Variants in COL6A3 observed in about 807,000 individuals in gnomAD.
COL6A3 encodes the protein collagen alpha-3(VI) chain.
Under a neutral mutation model 274.1 loss-of-function variants are expected in COL6A3, and 137 were observed. The observed-to-expected ratio is 0.50, with a 90% CI of 0.44 to 0.58. COL6A3 has a LOEUF of 0.58. Ranked by LOEUF, COL6A3 falls within the 20% of genes least tolerant of loss-of-function variation. The pLI is 0.00. For missense variants in COL6A3, 3,950 were observed against 4,124.9 expected (o/e 0.96, Z 1.16); for synonymous variants, 1,650 against 1,650.6 (o/e 1.00, Z 0.01).
Position 237,405,324 on chromosome 2 carries a change from A to G in COL6A3, c.-30-8477T>C, listed in dbSNP as rs566572279. On this transcript the variant is annotated intron_variant, in intron 1 of 43. Transcript: ENST00000295550. ...TTTCGTTTGCAATTAACTCTCTTCT[A>G]TTGTTTGTCATGTCCTGGAGTCTCC... 2.0e-5 allele frequency among the ~76,000 whole-genome samples: 3 copies of G among 152,178 alleles called. No individual in the cohort carries two copies. In the South Asian group the frequency reaches 6.2e-4, roughly 32 times the overall value.
Position 237,347,854 on chromosome 2 carries a change from G to C in COL6A3, c.6982C>G (p.Pro2328Ala). 1 of 1,610,256 alleles carries C rather than the reference G, an allele frequency of 6.2e-7. No homozygotes were observed. The highest frequency in any genetic ancestry group is 8.5e-7 in the Non-Finnish European group (1 of 1,178,192). ...YPGPKGNPGEPGLNGTTGPKG... is the reference protein window; with the variant it reads ...YPGPKGNPGEAGLNGTTGPKG... Reference sequence around the variant, plus strand: ...GGTCCTGTTGTTCCATTTAGCCCAGGTTCACCTGGGTTACCCTGGGAAGAA... The same window carrying C: ...GGTCCTGTTGTTCCATTTAGCCCAGCTTCACCTGGGTTACCCTGGGAAGAA... Residue 2328 changes from proline to alanine, a missense_variant, in exon 31 of 44, where the codon CCT (proline) becomes GCT (alanine). Coordinates refer to ENST00000295550, the MANE Select transcript of COL6A3 (RefSeq NM_004369.4).
intron 27 of COL6A3, 29 bp from the exon 28 acceptor site, chr2:237,350,238 T>C (rs1443128434): frequency 1.2e-6 from 2 of 1,612,336 alleles, no homozygotes; most frequent in East Asian, 2.2e-5. Context: ...GCTGAGACCC[T>C]GTGGCCTGGG....
At position 237,368,983 on chromosome 2, in the gene COL6A3, T is replaced by C; in HGVS notation, c.4480A>G (p.Arg1494Gly). 6.2e-7 allele frequency: 1 copy of C among 1,614,242 alleles called. No homozygotes were observed. Reference sequence around the variant, plus strand: ...GCGTCCAGCACCGGGGCCTGGGATCTGTAGGTTTTCAGATAGAATTCTGGG... The same window carrying C: ...GCGTCCAGCACCGGGGCCTGGGATCCGTAGGTTTTCAGATAGAATTCTGGG... Reference protein sequence around the residue: ...VFPEFYLKTYRSQAPVLDAIR... With the variant: ...VFPEFYLKTYGSQAPVLDAIR... Residue 1494 changes from arginine (R) to glycine (G), a missense_variant, in exon 10 of 44, where the codon AGA becomes GGA. Arg to Gly is a moderately radical substitution (Grantham distance 125). Coordinates refer to ENST00000295550, the MANE Select transcript of COL6A3 (RefSeq NM_004369.4). This position sits in a 1 kb window ranked among gnomAD's most constrained non-coding sequence, Gnocchi z 4.4.
Position 237,387,686 on chromosome 2 carries a change from G to A in COL6A3, c.1208C>T (p.Pro403Leu), listed in dbSNP as rs547651808. 78 of 1,613,878 alleles carry A rather than the reference G, an allele frequency of 4.8e-5. No individual in the cohort carries two copies. Among genetic ancestry groups the A allele is most frequent in the East Asian group, 2.5e-4 (11 of 44,862 alleles). Residue 403 changes from proline (P) to leucine (L), a missense_variant, in exon 4 of 44, where the codon CCG (proline) becomes CTG (leucine). Coordinates refer to ENST00000295550, the MANE Select transcript of COL6A3 (RefSeq NM_004369.4). ...GAGGTCCCCAAAGCTACGGAATTCC[G>A]GGACAGTAAACACCAAGTTGTCATC... is the stretch of plus-strand genomic sequence containing the variant. ...ATDDNLVFTV[P>L]EFRSFGDLQE...
In COL6A3 at chr2:237,340,707, T is replaced by G. The variant is rs111764507; in HGVS notation, c.8209A>C (p.Lys2737Gln). The stretch of plus-strand genomic sequence containing the variant: ...CCCGTCAGCATCAGGACCACAATTT[T>G]CAGGTCCCGTGGGTTTGGGGCACTT... ...FESAPNPRDLKIVVLMLTGEV... is the reference protein window; with the variant it reads ...FESAPNPRDLQIVVLMLTGEV... The change falls in exon 38 of 44, where the codon AAA (lysine) becomes CAA (glutamine). Residue 2737 changes from lysine to glutamine, a missense_variant. By Grantham distance (53) the Lys-to-Gln change is moderately conservative. This residue lies in a region of COL6A3 where 1,284 missense variants were observed against 1,349.7 expected (regional missense o/e 0.95). Transcript: ENST00000295550. 3 of 1,614,062 alleles carry G rather than the reference T, an allele frequency of 1.9e-6. No homozygotes were observed. The highest frequency in any genetic ancestry group is 2.5e-6 in the Non-Finnish European group (3 of 1,180,044).
In COL6A3 at chr2:237,340,825, C is replaced by T. The variant is rs775318733; in HGVS notation, c.8091G>A (p.Lys2697=). Residue 2697 remains lysine (K), a synonymous_variant, in exon 38 of 44, where the codon AAG becomes AAA. Transcript: ENST00000295550. ...TTCCCCTGCTGAGGAAGTCCACCAG[C>T]TTCTCCTTGGAGCCATAGTCAGTCA... is the stretch of plus-strand genomic sequence containing the variant. ...FSLTDYGSKE[K]LVDFLSRGMT... The T allele has an allele frequency of 1.2e-6, 2 of 1,614,218 alleles. No homozygotes were observed. Among genetic ancestry groups the T allele is most frequent in the Non-Finnish European group, 8.5e-7 (1 of 1,180,044 alleles).
intron 14 of COL6A3, among the ~76,000 whole-genome samples, 198 bp downstream of exon 14, chr2:237,363,055 G>A (rs1359809666): frequency 2.0e-5 from 3 of 151,984 alleles, no homozygotes; most frequent in Non-Finnish European, 2.9e-5. Flanking sequence ...GATTTCCAGC[G>A]ATTTGCTATC....
Position 237,324,752 on chromosome 2 carries a change from A to T in COL6A3, c.*22T>A. On this transcript the variant is annotated 3_prime_UTR_variant, in exon 44 of 44. Transcript: ENST00000295550. ...GCTGACTCCTTCTTCTTCAAGAGGT[A>T]TATGATGTTGGCCACCCACGCTTAG... 1 of 1,613,268 alleles carries T rather than the reference A, an allele frequency of 6.2e-7. No individual in the cohort carries two copies. The highest frequency in any genetic ancestry group is 8.5e-7 in the Non-Finnish European group (1 of 1,179,436).
At chr2:237,398,651 A>C (rs1358107949) in intron 1 of COL6A3, among the ~76,000 whole-genome samples, 1 of 152,212 alleles carries the variant, frequency 6.6e-6, no homozygotes, top group African/African-American at 2.4e-5. Flanking sequence ...CCCCATGCTC[A>C]GTTTGATGCT....
chr2:237,384,571 C>T (rs549459118), intron 4 of COL6A3, among the ~76,000 whole-genome samples: 24 of 152,230 alleles, frequency 1.6e-4, no homozygotes, highest in African/African-American at 5.5e-4. Context: ...CTGCATGCCA[C>T]GCTCGGAACT....
At position 237,372,284 on chromosome 2, in the gene COL6A3, C is replaced by T. The variant is rs150548221; in HGVS notation, c.3733G>A (p.Gly1245Arg). 82 of 1,612,498 alleles carry T rather than the reference C, an allele frequency of 5.1e-5. No individual in the cohort carries two copies. The highest frequency in any genetic ancestry group is 6.5e-5 in the Non-Finnish European group (77 of 1,180,024). Residue 1245 changes from glycine (G) to arginine (R), a missense_variant, in exon 9 of 44, where the codon GGG (glycine) becomes AGG (arginine). This residue lies in a region of COL6A3 where 1,934 missense variants were observed against 1,984.3 expected (regional missense o/e 0.97). Coordinates refer to ENST00000295550, the MANE Select transcript of COL6A3 (RefSeq NM_004369.4). ...GTGCGAACGTACTGGAACTCAGGCCCGGCACTTTGGGACCCATCGATGAGA... is the reference window on the plus strand; with the variant it reads ...GTGCGAACGTACTGGAACTCAGGCCTGGCACTTTGGGACCCATCGATGAGA... ...VFLIDGSQSA[G>R]PEFQYVRTLI... is the part of the protein sequence containing the mutation.
chr2:237,365,032 A>C (rs2095029675), intron 12 of COL6A3, among the ~76,000 whole-genome samples: 1 of 150,810 alleles, frequency 6.6e-6, no homozygotes, highest in Non-Finnish European at 1.5e-5. Context: ...CTGTATTTGG[A>C]GATAGGGTCT....
chr2:237,332,117 A>ATTATATATATG (rs35490728), intron 42 of COL6A3, among the ~76,000 whole-genome samples: 654 of 64,176 alleles, frequency 0.01, 116 homozygotes, highest in Non-Finnish European at 0.012. Context: ...ATATATATAT[A>ATTATATATATG]TGAAAAGAAA....
At chr2:237,400,926 C>T (rs1056772089) in intron 1 of COL6A3, among the ~76,000 whole-genome samples, 18 of 152,104 alleles carry the variant, frequency 1.2e-4, no homozygotes, top group Non-Finnish European at 5.9e-5. Context: ...GATGTTTCAA[C>T]GTATGAAAAC....
rs1193756613 is a variant in COL6A3, at chr2:237,353,329, G to A, written c.6690+12C>T. ...TATCAGAGGGCACACAGTCACACAC[G>A]GAAGCACTCACCTGTGCACCTCTGG... On this transcript the variant is annotated intron_variant, in intron 25 of 43. Transcript: ENST00000295550. 19 of 1,613,350 alleles carry A rather than the reference G, an allele frequency of 1.2e-5. No individual in the cohort carries two copies. Among genetic ancestry groups the A allele is most frequent in the East Asian group, 2.2e-5 (1 of 44,876 alleles).
At chr2:237,392,062 G>C (rs1036682144) in intron 3 of COL6A3, among the ~76,000 whole-genome samples, 2 of 152,134 alleles carry the variant, frequency 1.3e-5, no homozygotes, top group East Asian at 3.8e-4. Flanking sequence ...TGGAAGCAGG[G>C]AACACTTTGC....
chr2:237,325,788 T>C (rs1699910285), intron 42 of COL6A3, 64 bp from the exon 43 acceptor site: 2 of 1,445,690 alleles, frequency 1.4e-6, no homozygotes, highest in East Asian at 2.3e-5. Context: ...CTCCCAGTGC[T>C]GGGGCTGACA....
intron 40 of COL6A3, 86 bp from the exon 41 acceptor site, chr2:237,334,975 T>G: frequency 6.6e-7 from 1 of 1,509,392 alleles, no homozygotes; most frequent in Non-Finnish European, 9.2e-7. Context: ...CTGAAAGGGA[T>G]GTGTTAACAG....
chr2:237,410,771 G>A lies in COL6A3; in HGVS notation c.-31+3182C>T, dbSNP rs571473880. ...ACATTCATGACCACACATTAGAGGGGGCAAGCAACATGTTTTATTTAAAGA... is the reference window on the plus strand; with the variant it reads ...ACATTCATGACCACACATTAGAGGGAGCAAGCAACATGTTTTATTTAAAGA... On this transcript the variant is annotated intron_variant, in intron 1 of 43. Transcript: ENST00000295550. Among the ~76,000 whole-genome samples, 20 of 152,274 alleles carry A rather than the reference G, an allele frequency of 1.3e-4. No individual in the cohort carries two copies. In the South Asian group the frequency reaches 3.9e-3, roughly 30 times the overall value.
Sources: allele counts gnomAD v4.1 joint callset (sites outside exome capture counted in the v4.1 genomes callset), GRCh38; gene constraint gnomAD v4.1.1; regional missense constraint gnomAD v4.1.1; non-coding constraint Gnocchi (gnomAD v3.1); transcripts MANE v1.5; gene names NCBI Gene and HGNC (gene_info 2026-07-23, HGNC 2026-07-21).